PRDM16: variants seen among roughly 807,000 people sequenced by gnomAD.
PRDM16 encodes histone-lysine N-methyltransferase PRDM16.
In PRDM16, 23 loss-of-function variants were observed where a neutral mutation model predicts 110.6. The observed-to-expected ratio is 0.21, with a 90% confidence interval of 0.15 to 0.29. PRDM16 has a LOEUF of 0.29. PRDM16 is among the 10% of genes least tolerant of loss of function. PRDM16 has a pLI of 1.00. For missense variants in PRDM16, 1,615 were observed against 1,794.3 expected (o/e 0.90, Z 1.81); for synonymous variants, 799 against 781.8 (o/e 1.02, Z -0.37).
At chr1:3,186,716 G>A in intron 2 of PRDM16, 2 of 460,058 alleles carry the variant, frequency 4.3e-6, no homozygotes. Context: ...CCGGAAATGT[G>A]TCTTTCATGA....
At chr1:3,423,115 AG>A (rs1426370777) in intron 12 of PRDM16, among the ~76,000 whole-genome samples, 1 of 152,242 alleles carries the variant, frequency 6.6e-6, no homozygotes, top group Non-Finnish European at 1.5e-5. Flanking sequence ...GGGCAGCACC[AG>A]GGAAGTTTGC....
At position 3,162,541 on chromosome 1, in the gene PRDM16, G is replaced by A. The variant is rs542569547; in HGVS notation, c.38-23584G>A. Among the ~76,000 whole-genome samples the A allele has an allele frequency of 1.8e-3, 267 of 152,338 alleles. 1 individual carries two copies. Among genetic ancestry groups the A allele is most frequent in the Non-Finnish European group, 3.0e-3 (205 of 68,038 alleles). On this transcript the variant is annotated intron_variant, in intron 1 of 16. Coordinates refer to ENST00000270722, the MANE Select transcript of PRDM16 (RefSeq NM_022114.4). ...GCAGGCCCACGAAGGTCGTCATTAC[G>A]GATTTATTAACCCCCTTTCCCTGGC... is the stretch of plus-strand genomic sequence containing the variant.
At chr1:3,142,098 G>A (rs115692019) in intron 1 of PRDM16, among the ~76,000 whole-genome samples, 2,134 of 152,342 alleles carry the variant, frequency 0.014, 26 homozygotes, top group Non-Finnish European at 0.021. Context: ...AACCAAGCTC[G>A]TGAGAAACGG....
intron 2 of PRDM16, among the ~76,000 whole-genome samples, chr1:3,223,390 A>G (rs1639219322): frequency 6.6e-6 from 1 of 152,062 alleles, no homozygotes; most frequent in African/African-American, 2.4e-5. Flanking sequence ...GCCGAAGTTC[A>G]TCTTTTGTCT....
chr1:3,072,922 C>T (rs1289079850), intron 1 of PRDM16, among the ~76,000 whole-genome samples: 8 of 152,254 alleles, frequency 5.3e-5, no homozygotes, highest in Non-Finnish European at 1.2e-4. Flanking sequence ...TGCCATGGCT[C>T]GGAAGCTGGC....
intron 5 of PRDM16, among the ~76,000 whole-genome samples, chr1:3,401,046 C>G (rs1643459943): frequency 6.6e-6 from 1 of 152,212 alleles, no homozygotes; most frequent in African/African-American, 2.4e-5. Context: ...GAATCCCCAC[C>G]TTGGGCACCT....
intron 1 of PRDM16, among the ~76,000 whole-genome samples, chr1:3,170,193 C>T (rs1372854607): frequency 6.6e-5 from 10 of 152,212 alleles, no homozygotes; most frequent in African/African-American, 1.9e-4. Context: ...AGGGCAAGTG[C>T]GGCCAGGGGG....
At chr1:3,248,846 C>T (rs1310115914) in intron 3 of PRDM16, among the ~76,000 whole-genome samples, 11 of 152,330 alleles carry the variant, frequency 7.2e-5, no homozygotes, top group Non-Finnish European at 1.3e-4. Flanking sequence ...TAGCCCGGCC[C>T]GGGCAAAATG....
At chr1:3,079,437 A>G (rs1447679257) in intron 1 of PRDM16, among the ~76,000 whole-genome samples, 1 of 152,060 alleles carries the variant, frequency 6.6e-6, no homozygotes, top group Non-Finnish European at 1.5e-5. Context: ...GGACTGTCCC[A>G]AGGTCCCTGG....
intron 3 of PRDM16, among the ~76,000 whole-genome samples, chr1:3,274,300 C>T (rs772169422): frequency 2.6e-5 from 4 of 152,184 alleles, no homozygotes; most frequent in Non-Finnish European, 5.9e-5. Flanking sequence ...CTCCATTAAT[C>T]TTGGGTTAAT....
chr1:3,192,306 C>T (rs1638332592), intron 2 of PRDM16, among the ~76,000 whole-genome samples: 1 of 152,188 alleles, frequency 6.6e-6, no homozygotes, highest in Non-Finnish European at 1.5e-5. Flanking sequence ...TGGGTGCCTG[C>T]AGGCCTTGCT....
At chr1:3,247,779 C>T (rs1639822977) in intron 3 of PRDM16, among the ~76,000 whole-genome samples, 1 of 152,246 alleles carries the variant, frequency 6.6e-6, no homozygotes, top group Non-Finnish European at 1.5e-5. Flanking sequence ...CCTGGGCGCG[C>T]GTCACCGGCG....
At chr1:3,269,640 C>CTG (rs1640384992) in intron 3 of PRDM16, among the ~76,000 whole-genome samples, 2 of 120,044 alleles carry the variant, frequency 1.7e-5, no homozygotes, top group African/African-American at 7.8e-5. Context: ...AGCACAGTCC[C>CTG]GGAGGAGGAC....
intron 3 of PRDM16, among the ~76,000 whole-genome samples, chr1:3,272,499 C>T (rs548647025): frequency 6.6e-6 from 1 of 152,284 alleles, no homozygotes; most frequent in Admixed American, 6.5e-5. Flanking sequence ...CTTCCGGGAC[C>T]TCGGGGAGGC....
At chr1:3,254,666 G>C (rs1299569864) in intron 3 of PRDM16, among the ~76,000 whole-genome samples, 5 of 151,698 alleles carry the variant, frequency 3.3e-5, no homozygotes, top group Non-Finnish European at 5.9e-5. Flanking sequence ...AGGATACAAA[G>C]AAATGGAAGA....
chr1:3,403,751 A>C (rs1643513250), intron 6 of PRDM16, among the ~76,000 whole-genome samples: 1 of 152,076 alleles, frequency 6.6e-6, no homozygotes, highest in African/African-American at 2.4e-5. Context: ...AGCTATGGAG[A>C]CTTTTCCAAC....
chr1:3,250,175 G>A (rs1450408325), intron 3 of PRDM16, among the ~76,000 whole-genome samples: 1 of 142,400 alleles, frequency 7.0e-6, no homozygotes, highest in Non-Finnish European at 1.5e-5. Context: ...CGGCTTGTCT[G>A]GGGAGGCCGC....
intron 1 of PRDM16, among the ~76,000 whole-genome samples, chr1:3,114,404 A>C (rs780101290): frequency 2.9e-5 from 3 of 103,864 alleles, no homozygotes; most frequent in Admixed American, 2.8e-4. Flanking sequence ...GCACGCGCAC[A>C]CACACGCACA....
At chr1:3,181,941 T>C (rs1044076512) in intron 1 of PRDM16, among the ~76,000 whole-genome samples, 4 of 151,528 alleles carry the variant, frequency 2.6e-5, no homozygotes, top group African/African-American at 9.7e-5. Flanking sequence ...TACACATGCT[T>C]ACACACACAG....
Sources: allele counts gnomAD v4.1 joint callset (sites outside exome capture counted in the v4.1 genomes callset), GRCh38; gene constraint gnomAD v4.1.1; transcripts MANE v1.5; gene names NCBI Gene and HGNC (gene_info 2026-07-23, HGNC 2026-07-21).